Variants in ZCCHC2 observed in about 807,000 individuals in gnomAD.
ZCCHC2 encodes zinc finger CCHC-type containing 2.
A neutral mutation model predicts 103.6 loss-of-function variants in ZCCHC2; 39 were observed. The ratio of observed to expected loss-of-function variants is 0.38; its 90% CI spans 0.29 to 0.49. ZCCHC2 has a LOEUF of 0.49. ZCCHC2 is among the 20% of genes least tolerant of loss of function. The pLI is 0.96. For synonymous variants in ZCCHC2, 687 were observed against 608.9 expected (o/e 1.13, Z -1.89); for missense variants, 1,483 against 1,491.0 (o/e 0.99, Z 0.09).
intron 10 of ZCCHC2, 110 bp from the exon 11 acceptor site, chr18:62,564,892 C>A (rs1216217114): frequency 2.5e-6 from 2 of 806,458 alleles, no homozygotes; most frequent in African/African-American, 1.7e-5. Flanking sequence ...TTAGATTATT[C>A]CTTACTAAAA....
intron 2 of ZCCHC2, among the ~76,000 whole-genome samples, chr18:62,542,068 A>G (rs1915214827): frequency 2.6e-5 from 4 of 152,308 alleles, no homozygotes; most frequent in African/African-American, 4.8e-5. Context: ...AAAACTAGAT[A>G]TTTTGTAGTT....
intron 2 of ZCCHC2, among the ~76,000 whole-genome samples, chr18:62,541,286 A>G (rs745459987): frequency 6.6e-6 from 1 of 152,160 alleles, no homozygotes; most frequent in Admixed American, 6.6e-5. Flanking sequence ...AGGCCACCAA[A>G]CACTATATAT....
Position 62,574,906 on chromosome 18 carries a change from C to T in ZCCHC2, c.2825C>T (p.Ser942Phe). The stretch of plus-strand genomic sequence containing the variant: ...AGTGTGCTCAGCACAGCAGCAACTT[C>T]TCCCCAGCCAGCGAGCGCAGGTATC... ...NSSVLSTAATSPQPASAGISQ... is the reference protein window; with the variant it reads ...NSSVLSTAATFPQPASAGISQ... The change falls in exon 13 of 14, where the codon TCT becomes TTT. Residue 942 changes from serine to phenylalanine, a missense_variant. Ser to Phe is a radical substitution (Grantham distance 155, BLOSUM62 -2). Around this residue, in one of 3 missense-constraint regions of ZCCHC2, gnomAD observed 884 missense variants for 907.5 expected, o/e 0.97. Coordinates refer to ENST00000269499, the MANE Select transcript of ZCCHC2 (RefSeq NM_017742.6). The T allele has an allele frequency of 6.2e-7, 1 of 1,613,904 alleles. No individual in the cohort carries two copies. The highest frequency in any genetic ancestry group is 1.3e-5 in the African/African-American group (1 of 75,070).
intron 11 of ZCCHC2, among the ~76,000 whole-genome samples, chr18:62,568,444 C>T (rs570579300): frequency 1.7e-4 from 26 of 152,212 alleles, no homozygotes; most frequent in Non-Finnish European, 3.5e-4. Flanking sequence ...GAAGTACCTT[C>T]TGAATTATCA....
chr18:62,524,482 C>T (rs1450161992), intron 1 of ZCCHC2, 119 bp downstream of exon 1: 68 of 1,375,688 alleles, frequency 4.9e-5, no homozygotes, highest in Middle Eastern at 5.3e-4. Context: ...GCTCGGAATC[C>T]CCACCCGGCA....
At chr18:62,535,444 A>G (rs143536832) in intron 1 of ZCCHC2, among the ~76,000 whole-genome samples, 1,716 of 152,316 alleles carry the variant, frequency 0.011, 35 homozygotes, top group African/African-American at 0.038. Context: ...GTGTAAAACA[A>G]TGACCATTTT....
At chr18:62,564,544 G>A in intron 9 of ZCCHC2, 27 bp from the exon 10 acceptor site, 2 of 1,472,192 alleles carry the variant, frequency 1.4e-6, no homozygotes, top group Non-Finnish European at 1.8e-6. Flanking sequence ...GCTTTTGTCT[G>A]ATTTGTCTTT....
chr18:62,575,069 C>T lies in ZCCHC2; in HGVS notation c.2988C>T (p.Asn996=), dbSNP rs780469141. 3 of 1,613,980 alleles carry T rather than the reference C, an allele frequency of 1.9e-6. No individual in the cohort carries two copies. The highest frequency in any genetic ancestry group is 8.5e-7 in the Non-Finnish European group (1 of 1,179,886). Residue 996 remains asparagine, a synonymous_variant, in exon 13 of 14, where the codon AAC becomes AAT. Coordinates refer to ENST00000269499, the MANE Select transcript of ZCCHC2 (RefSeq NM_017742.6). ...TSYISAVGNT[N]ANGTVVPPQQ... ...ACATCAGTGCTGTGGGGAACACGAA[C>T]GCTAATGGGACAGTAGTGCCACCGC...
Position 62,523,611 on chromosome 18 carries a change from C to G in ZCCHC2, c.187C>G (p.Pro63Ala), listed in dbSNP as rs1914169474. 14 of 1,156,422 alleles carry G rather than the reference C, an allele frequency of 1.2e-5. No homozygotes were observed. Among genetic ancestry groups the G allele is most frequent in the Non-Finnish European group, 1.5e-5 (14 of 941,034 alleles). 71.6% of individuals were successfully genotyped at this position (1,156,422 alleles called of 1,614,324 possible). Residue 63 changes from proline to alanine, a missense_variant, in exon 1 of 14, where the codon CCG becomes GCG. Around this residue, in one of 3 missense-constraint regions of ZCCHC2, gnomAD observed 568 missense variants for 525.1 expected, o/e 1.08. Coordinates refer to ENST00000269499, the MANE Select transcript of ZCCHC2 (RefSeq NM_017742.6). ...PSRGPLPPPP[P>A]PRGLGPPVAG... The stretch of plus-strand genomic sequence containing the variant: ...GCGGGGCCCTCTGCCGCCGCCGCCG[C>G]CGCCCCGGGGACTCGGGCCGCCTGT...
exon 15 of ZCCHC2, chr18:62,585,848 A>T (rs1355079262): frequency 6.6e-6 from 1 of 152,156 alleles, no homozygotes; most frequent in Non-Finnish European, 1.5e-5. Context: ...TGAGGGAGGA[A>T]CTCTGCCCTG....
At chr18:62,524,550 C>G (rs918725699) in intron 1 of ZCCHC2, 187 bp downstream of exon 1, 2 of 857,926 alleles carry the variant, frequency 2.3e-6, no homozygotes, top group South Asian at 2.2e-5. Context: ...TCCACTCCCC[C>G]ACCCCACCCC....
downstream of ZCCHC2, among the ~76,000 whole-genome samples, chr18:62,579,395 G>C (rs1916981218): frequency 1.3e-5 from 2 of 151,940 alleles, no homozygotes; most frequent in African/African-American, 4.9e-5. Context: ...AGAGACGGTT[G>C]GGGGCCTGTG....
At position 62,539,089 on chromosome 18, in the gene ZCCHC2, A is replaced by G. The variant is rs573789901; in HGVS notation, c.940-592A>G. 1.2e-4 allele frequency among the ~76,000 whole-genome samples: 19 copies of G among 152,348 alleles called. No individual in the cohort carries two copies. The South Asian group carries it at 2.5e-3, about 20-fold the overall frequency. ...TGGCATCACCTTTATTACTCCAAGCATCGGATCTAGGAGTCAAAGTTACCC... is the reference window on the plus strand; with the variant it reads ...TGGCATCACCTTTATTACTCCAAGCGTCGGATCTAGGAGTCAAAGTTACCC... On this transcript the variant is annotated intron_variant, in intron 1 of 13. Coordinates refer to ENST00000269499, the MANE Select transcript of ZCCHC2 (RefSeq NM_017742.6).
chr18:62,559,080 C>G (rs970044394), intron 7 of ZCCHC2, among the ~76,000 whole-genome samples: 1 of 152,176 alleles, frequency 6.6e-6, no homozygotes, highest in African/African-American at 2.4e-5. Flanking sequence ...TGAATAACAA[C>G]TTATATGTAA....
At chr18:62,579,284 A>G (rs1916978359), downstream of ZCCHC2, among the ~76,000 whole-genome samples, 2 of 152,230 alleles carry the variant, frequency 1.3e-5, 1 homozygote, top group South Asian at 4.1e-4. Context: ...TGATTTTATT[A>G]GCCAGGCCCC....
chr18:62,558,626 A>G lies in ZCCHC2; in HGVS notation c.1409-61A>G, dbSNP rs1051933348. 74 of 1,007,458 alleles carry G rather than the reference A, an allele frequency of 7.3e-5. No homozygotes were observed. In the African/African-American group the frequency reaches 9.2e-4, roughly 13 times the overall value. The allele number at this position is 1,007,458 out of a possible 1,614,324, so 62.4% of individuals were successfully genotyped here. Reference sequence around the variant, plus strand: ...TTCCTTAGGTAAAAAAACAATTATTATATTTGTTTTCTTTATTTTAATTTT... The same window carrying G: ...TTCCTTAGGTAAAAAAACAATTATTGTATTTGTTTTCTTTATTTTAATTTT... On this transcript the variant is annotated intron_variant, in intron 6 of 13. Coordinates refer to ENST00000269499, the MANE Select transcript of ZCCHC2 (RefSeq NM_017742.6).
chr18:62,576,397 C>A, intron 13 of ZCCHC2, 115 bp from the exon 14 acceptor site: 1 of 813,780 alleles, frequency 1.2e-6, no homozygotes, highest in Non-Finnish European at 2.1e-6. Context: ...TGGAGTGGCA[C>A]TAGAGCTGAC....
chr18:62,535,732 G>A (rs560679717), intron 1 of ZCCHC2, among the ~76,000 whole-genome samples: 44 of 152,330 alleles, frequency 2.9e-4, no homozygotes, highest in Non-Finnish European at 5.4e-4. Flanking sequence ...ACATTCTAAA[G>A]CCAGCCTAGA....
chr18:62,560,560 A>G, intron 7 of ZCCHC2, 27 bp from the exon 8 acceptor site: 1 of 1,605,136 alleles, frequency 6.2e-7, no homozygotes, highest in Non-Finnish European at 8.5e-7. Flanking sequence ...CATTTAGTGT[A>G]ATAAGTTACT....
Sources: allele counts gnomAD v4.1 joint callset (sites outside exome capture counted in the v4.1 genomes callset), GRCh38; gene constraint gnomAD v4.1.1; regional missense constraint gnomAD v4.1.1; transcripts MANE v1.5; gene names NCBI Gene and HGNC (gene_info 2026-07-23, HGNC 2026-07-21).